The following ROBO1 variants were observed in gnomAD, a reference collection of about 807,000 sequenced individuals.
ROBO1 encodes roundabout guidance receptor 1.
In ROBO1, 149 loss-of-function variants were observed where a neutral mutation model predicts 195.9. The ratio of observed to expected loss-of-function variants is 0.76; its 90% CI spans 0.67 to 0.87. ROBO1 has a LOEUF of 0.87. ROBO1 is among the 40% of genes least tolerant of loss of function. The pLI is 0.00. For missense variants in ROBO1, 1,933 were observed against 2,068.3 expected (o/e 0.93, Z 1.27); for synonymous variants, 816 against 733.2 (o/e 1.11, Z -1.82).
chr3:79,500,039 C>A (rs570461521), intron 2 of ROBO1, among the ~76,000 whole-genome samples: 1 of 151,864 alleles, frequency 6.6e-6, no homozygotes, highest in Admixed American at 6.6e-5. Flanking sequence ...AACTCCCGAC[C>A]TCAGGTGATC....
intron 2 of ROBO1, among the ~76,000 whole-genome samples, chr3:79,524,907 G>T (rs1258202077): frequency 1.3e-5 from 2 of 151,930 alleles, no homozygotes; most frequent in African/African-American, 4.8e-5. Context: ...ATATGTGTGT[G>T]TGTGTTTTTG....
At chr3:78,922,495 T>C (rs1403613203) in intron 4 of ROBO1, among the ~76,000 whole-genome samples, 1 of 152,018 alleles carries the variant, frequency 6.6e-6, no homozygotes, top group East Asian at 1.9e-4. Flanking sequence ...GCTAACTAAT[T>C]TAAAGTCCTC....
chr3:78,597,640 A>G lies in ROBO1; in HGVS notation c.*1273T>C, dbSNP rs1280993721. The G allele has an allele frequency of 6.6e-6, 1 of 152,334 alleles. No homozygotes were observed. Among genetic ancestry groups the G allele is most frequent in the African/African-American group, 2.4e-5 (1 of 41,448 alleles). 9.4% of individuals were successfully genotyped at this position (152,334 alleles called of 1,614,324 possible). A position where few individuals can be genotyped will look rare whatever the true frequency, so the allele number is the denominator to read the frequency against. Reference sequence around the variant, plus strand: ...ACTAGTCAGAGGGCATCATTTGTCAATTGAAAGCAAGTAATGCCTCTATTA... The same window carrying G: ...ACTAGTCAGAGGGCATCATTTGTCAGTTGAAAGCAAGTAATGCCTCTATTA... On this transcript the variant is annotated 3_prime_UTR_variant, in exon 31 of 31. Coordinates refer to ENST00000464233, the MANE Select transcript of ROBO1 (RefSeq NM_002941.4).
chr3:78,683,130 AC>A (rs200822668), intron 10 of ROBO1, among the ~76,000 whole-genome samples: 3,364 of 81,098 alleles, frequency 0.041, 66 homozygotes, highest in Non-Finnish European at 0.051. Context: ...TTTTGTAGAT[AC>A]ACACACACAC....
chr3:78,959,985 C>T (rs930978001), intron 3 of ROBO1, among the ~76,000 whole-genome samples: 1 of 152,036 alleles, frequency 6.6e-6, no homozygotes, highest in Non-Finnish European at 1.5e-5. Flanking sequence ...ATTGAAAAAA[C>T]AGCCAGCTAT....
chr3:78,694,295 T>C (rs1317347253), intron 8 of ROBO1, among the ~76,000 whole-genome samples: 1 of 152,116 alleles, frequency 6.6e-6, no homozygotes, highest in African/African-American at 2.4e-5. Context: ...CTACAATATA[T>C]TTTACTCAAA....
At chr3:78,945,768 T>TG (rs1292401699) in intron 3 of ROBO1, among the ~76,000 whole-genome samples, 2 of 151,914 alleles carry the variant, frequency 1.3e-5, no homozygotes, top group Admixed American at 6.6e-5. Flanking sequence ...TTAAAAGCTT[T>TG]GAAAAAATAT....
In ROBO1 at chr3:78,688,675, A is replaced by T. The variant is rs761188426; in HGVS notation, c.1143T>A (p.Ala381=). 5.6e-6 allele frequency: 9 copies of T among 1,605,992 alleles called. No homozygotes were observed. Among genetic ancestry groups the T allele is most frequent in the Non-Finnish European group, 7.7e-6 (9 of 1,175,918 alleles). ...GACTCCCTTCTCTCCTCCAGAAAATAGCTGGTTGAGGATTTCCGGTTGCTT... is the reference window on the plus strand; with the variant it reads ...GACTCCCTTCTCTCCTCCAGAAAATTGCTGGTTGAGGATTTCCGGTTGCTT... ...QCEATGNPQP[A]IFWRREGSQN... is the part of the protein sequence containing the mutation. Residue 381 remains alanine (A), a synonymous_variant, in exon 9 of 31, where the codon GCT becomes GCA. Coordinates refer to ENST00000464233, the MANE Select transcript of ROBO1 (RefSeq NM_002941.4).
At chr3:79,355,332 TG>T (rs2035508816) in intron 2 of ROBO1, among the ~76,000 whole-genome samples, 1 of 152,164 alleles carries the variant, frequency 6.6e-6, no homozygotes, top group South Asian at 2.1e-4. Context: ...CATGATATTT[TG>T]ATAAATGTAT....
At chr3:78,920,972 G>T (rs374985659) in intron 4 of ROBO1, among the ~76,000 whole-genome samples, 13 of 152,184 alleles carry the variant, frequency 8.5e-5, no homozygotes, top group African/African-American at 2.9e-4. Context: ...ATGAGCCACT[G>T]CGTGTGACAT....
chr3:79,685,263 C>T (rs1367627182), intron 1 of ROBO1, among the ~76,000 whole-genome samples: 1 of 152,148 alleles, frequency 6.6e-6, no homozygotes, highest in Non-Finnish European at 1.5e-5. Context: ...GAAACACTTC[C>T]TGCTTGTGCA....
At chr3:79,048,775 G>A (rs1231763900) in intron 3 of ROBO1, among the ~76,000 whole-genome samples, 1 of 152,120 alleles carries the variant, frequency 6.6e-6, no homozygotes, top group East Asian at 1.9e-4. Context: ...GGGACCTCCA[G>A]CAAACTACAA....
At chr3:79,706,204 G>A (rs1211534887) in intron 1 of ROBO1, among the ~76,000 whole-genome samples, 2 of 152,028 alleles carry the variant, frequency 1.3e-5, no homozygotes, top group Non-Finnish European at 1.5e-5. Flanking sequence ...AGAAGTGGTG[G>A]GAATGGGCAT....
intron 4 of ROBO1, among the ~76,000 whole-genome samples, chr3:78,879,749 T>G (rs1576335077): frequency 6.6e-6 from 1 of 152,076 alleles, no homozygotes; most frequent in East Asian, 1.9e-4. Context: ...TGCACTCCCT[T>G]TGGGAACTGG....
chr3:79,502,822 C>A (rs538711950), intron 2 of ROBO1, among the ~76,000 whole-genome samples: 3 of 152,190 alleles, frequency 2.0e-5, no homozygotes, highest in South Asian at 2.1e-4. Flanking sequence ...CGTAAATACA[C>A]CAGTCAGCAG....
intron 4 of ROBO1, among the ~76,000 whole-genome samples, chr3:78,897,688 T>C (rs375720472): frequency 6.6e-6 from 1 of 152,104 alleles, no homozygotes. Context: ...AAAAGAAAAT[T>C]ATAAAGGGAA....
At chr3:79,211,304 G>A (rs2081962181) in intron 2 of ROBO1, among the ~76,000 whole-genome samples, 1 of 151,802 alleles carries the variant, frequency 6.6e-6, no homozygotes, top group Admixed American at 6.6e-5. Context: ...AATATATATT[G>A]GTTGCCTATA....
At chr3:78,629,489 C>A (rs761343201) in intron 25 of ROBO1, among the ~76,000 whole-genome samples, 4 of 151,872 alleles carry the variant, frequency 2.6e-5, no homozygotes, top group African/African-American at 9.7e-5. Flanking sequence ...ATCAGGAGTT[C>A]GAGAACAGCC....
intron 2 of ROBO1, among the ~76,000 whole-genome samples, chr3:79,416,299 T>A (rs1464322948): frequency 6.6e-6 from 1 of 151,414 alleles, no homozygotes; most frequent in Admixed American, 6.6e-5. Context: ...TAGAAAGAAG[T>A]ATAGATACGA....
Sources: allele counts gnomAD v4.1 joint callset (sites outside exome capture counted in the v4.1 genomes callset), GRCh38; gene constraint gnomAD v4.1.1; transcripts MANE v1.5; gene names NCBI Gene and HGNC (gene_info 2026-07-23, HGNC 2026-07-21).